The following PEX14 variants were observed in gnomAD, a reference collection of about 807,000 sequenced individuals.
PEX14 encodes peroxisomal membrane protein PEX14.
In PEX14, 15 loss-of-function variants were observed where a neutral mutation model predicts 49.5. That is an observed-to-expected ratio of 0.30 (90% CI 0.20 to 0.47). PEX14 has a LOEUF of 0.47. PEX14 is among the 20% of genes least tolerant of loss of function. The probability of loss-of-function intolerance (pLI) is 1.00; values close to 1 mark genes in which losing one functional copy is unlikely to be tolerated. For missense variants in PEX14, 398 were observed against 494.8 expected (o/e 0.80, Z 1.86); for synonymous variants, 210 against 212.7 (o/e 0.99, Z 0.11).
chr1:10,577,563 T>TATATATATATATATGTA (rs1557854885), intron 3 of PEX14, among the ~76,000 whole-genome samples: 2 of 2,460 alleles, frequency 8.1e-4, no homozygotes, highest in African/African-American at 3.0e-3. Flanking sequence ...TATATATATA[T>TATATATATATATATGTA]TTTTTTTTTT....
At chr1:10,595,979 T>A (rs1275391754) in intron 3 of PEX14, among the ~76,000 whole-genome samples, 1 of 152,218 alleles carries the variant, frequency 6.6e-6, no homozygotes, top group Non-Finnish European at 1.5e-5. Flanking sequence ...AAGGTCTCAA[T>A]CTAAGATCAG....
chr1:10,575,966 C>T (rs1040117653), intron 3 of PEX14, among the ~76,000 whole-genome samples: 4 of 152,126 alleles, frequency 2.6e-5, no homozygotes, highest in Admixed American at 6.5e-5. Context: ...AAACAGCTTT[C>T]TCATATTGTT....
At chr1:10,546,527 G>A (rs1639176592) in intron 3 of PEX14, among the ~76,000 whole-genome samples, 1 of 135,686 alleles carries the variant, frequency 7.4e-6, no homozygotes, top group African/African-American at 2.9e-5. Context: ...TTGCGCCATT[G>A]CACTCCAGCC....
intron 3 of PEX14, among the ~76,000 whole-genome samples, chr1:10,582,261 G>T (rs1640342495): frequency 6.6e-6 from 1 of 152,000 alleles, no homozygotes; most frequent in African/African-American, 2.4e-5. Context: ...TGCAATTCAT[G>T]AAGCACCAGT....
intron 3 of PEX14, among the ~76,000 whole-genome samples, chr1:10,545,464 C>A (rs969014256): frequency 6.6e-6 from 1 of 152,104 alleles, no homozygotes; most frequent in Non-Finnish European, 1.5e-5. Context: ...ATGAGTGTAC[C>A]AGCATTTTGA....
intron 3 of PEX14, among the ~76,000 whole-genome samples, chr1:10,554,386 T>G (rs1639426617): frequency 6.6e-6 from 1 of 151,242 alleles, no homozygotes; most frequent in African/African-American, 2.4e-5. Flanking sequence ...AAGGGCAGAC[T>G]CCAAAATGAT....
intron 1 of PEX14, among the ~76,000 whole-genome samples, chr1:10,486,689 C>CTT (rs34311886): frequency 0.042 from 5,667 of 135,352 alleles, 474 homozygotes; most frequent in African/African-American, 0.15. Flanking sequence ...GACTCTGTCT[C>CTT]TTTTTTTTTT....
intron 3 of PEX14, among the ~76,000 whole-genome samples, chr1:10,589,691 G>A (rs148378338): frequency 2.0e-5 from 3 of 152,272 alleles, no homozygotes; most frequent in African/African-American, 7.2e-5. Flanking sequence ...GGAATTACAG[G>A]CATGAGCCAC....
At chr1:10,562,898 C>A (rs1570270918) in intron 3 of PEX14, among the ~76,000 whole-genome samples, 1 of 141,720 alleles carries the variant, frequency 7.1e-6, no homozygotes, top group Non-Finnish European at 1.5e-5. Flanking sequence ...TGGTGATTTT[C>A]TTTTTTTCTT....
chr1:10,578,383 C>A (rs929967804), intron 3 of PEX14, among the ~76,000 whole-genome samples: 5 of 152,116 alleles, frequency 3.3e-5, no homozygotes, highest in African/African-American at 1.2e-4. Context: ...ATGGCATTTT[C>A]CCTAGGACTA....
intron 1 of PEX14, among the ~76,000 whole-genome samples, chr1:10,484,583 G>GT (rs1309747441): frequency 6.6e-6 from 1 of 151,706 alleles, no homozygotes. Flanking sequence ...TGATTCCTGC[G>GT]TAACAGTATT....
In PEX14 at chr1:10,514,619, G is replaced by A. The variant is rs913042329; in HGVS notation, c.84+19298G>A. Among the ~76,000 whole-genome samples, 7 of 152,170 alleles carry A rather than the reference G, an allele frequency of 4.6e-5. No homozygotes were observed. Among genetic ancestry groups the A allele is most frequent in the African/African-American group, 9.7e-5 (4 of 41,440 alleles). On this transcript the variant is annotated intron_variant, in intron 2 of 8. Coordinates refer to ENST00000356607, the MANE Select transcript of PEX14 (RefSeq NM_004565.3). This position sits in a 1 kb window ranked among gnomAD's most constrained non-coding sequence, Gnocchi z 4.4. ...TAATAGGCCATTGGGTGTCACTGTC[G>A]CTCTACTGGCTATAGGAGAAAGAGG...
intron 1 of PEX14, among the ~76,000 whole-genome samples, chr1:10,479,328 G>C (rs1641245816): frequency 6.6e-6 from 1 of 152,120 alleles, no homozygotes; most frequent in African/African-American, 2.4e-5. Context: ...AGTGAGCGGT[G>C]ATTGTGCCAT....
chr1:10,540,467 G>A (rs1392393212), intron 3 of PEX14, among the ~76,000 whole-genome samples: 2 of 152,018 alleles, frequency 1.3e-5, no homozygotes, highest in African/African-American at 4.8e-5. Context: ...CTGGGAGTGG[G>A]GCCCTGGCTT....
chr1:10,479,435 CGCCCAGCCAGCAT>C (rs1462038697), intron 1 of PEX14, among the ~76,000 whole-genome samples: 1 of 152,160 alleles, frequency 6.6e-6, no homozygotes, highest in Non-Finnish European at 1.5e-5. Flanking sequence ...TGAGCCACCA[CGCCCAGCCAGCAT>C]GGCTGATCTC....
At chr1:10,506,297 A>G (rs1489250709) in intron 2 of PEX14, among the ~76,000 whole-genome samples, 1 of 151,838 alleles carries the variant, frequency 6.6e-6, no homozygotes, top group Non-Finnish European at 1.5e-5. Flanking sequence ...TTTTTTTGAG[A>G]TGGAGTTTCG....
At chr1:10,475,070 C>T in intron 1 of PEX14, 68 bp downstream of exon 1, 2 of 1,476,776 alleles carry the variant, frequency 1.4e-6, no homozygotes, top group Non-Finnish European at 1.9e-6. Context: ...CAGCATACGG[C>T]TGGGAGCCGG....
chr1:10,555,852 C>T (rs894183756), intron 3 of PEX14, among the ~76,000 whole-genome samples: 4 of 152,206 alleles, frequency 2.6e-5, no homozygotes, highest in Non-Finnish European at 5.9e-5. Context: ...GCAGAACTTG[C>T]TTCATTCTGG....
chr1:10,556,306 C>T (rs1015609544), intron 3 of PEX14, among the ~76,000 whole-genome samples: 1 of 152,156 alleles, frequency 6.6e-6, no homozygotes, highest in Non-Finnish European at 1.5e-5. Flanking sequence ...CAGAGCATGG[C>T]AGCTGTGATC....
Sources: allele counts gnomAD v4.1 joint callset (sites outside exome capture counted in the v4.1 genomes callset), GRCh38; gene constraint gnomAD v4.1.1; non-coding constraint Gnocchi (gnomAD v3.1); transcripts MANE v1.5; gene names NCBI Gene and HGNC (gene_info 2026-07-23, HGNC 2026-07-21).